CLSTN1: variants seen among roughly 807,000 people sequenced by gnomAD.
CLSTN1 encodes calsyntenin 1.
A neutral mutation model predicts 108.3 loss-of-function variants in CLSTN1; 28 were observed. The ratio of observed to expected loss-of-function variants is 0.26; its 90% confidence interval spans 0.19 to 0.35. The LOEUF (loss-of-function observed/expected upper bound fraction) is 0.35, where lower values mean the gene tolerates loss of function less well. Ranked by LOEUF, CLSTN1 falls within the 10% of genes least tolerant of loss-of-function variation. The probability of loss-of-function intolerance (pLI) is 1.00; values close to 1 mark genes in which losing one functional copy is unlikely to be tolerated. For synonymous variants in CLSTN1, 524 were observed against 534.9 expected (o/e 0.98, Z 0.28); for missense variants, 1,157 against 1,302.6 (o/e 0.89, Z 1.72).
Position 9,823,740 on chromosome 1 carries a change from C to T in CLSTN1, c.-7G>A. ...GAGCGGGGCGGCGCAGCATCGCCAG[C>T]CCGGGGCGGGAGCGGCAGGGAGGCG... On this transcript the variant is annotated 5_prime_UTR_variant, in exon 1 of 19. Transcript: ENST00000377298. This position sits in a 1 kb window ranked among gnomAD's most constrained non-coding sequence, Gnocchi z 6.3. 9.5e-7 allele frequency: 1 copy of T among 1,050,402 alleles called. No homozygotes were observed. Among genetic ancestry groups the T allele is most frequent in the Non-Finnish European group, 1.1e-6 (1 of 873,422 alleles). 65.1% of individuals were successfully genotyped at this position (1,050,402 alleles called of 1,614,324 possible).
At chr1:9,753,868 A>G (rs1344602274) in intron 4 of CLSTN1, among the ~76,000 whole-genome samples, 1 of 152,030 alleles carries the variant, frequency 6.6e-6, no homozygotes, top group Non-Finnish European at 1.5e-5. Context: ...ACTGGAGTAC[A>G]GTGGCACAAT....
At chr1:9,765,141 A>G (rs905483692) in intron 2 of CLSTN1, among the ~76,000 whole-genome samples, 1 of 152,172 alleles carries the variant, frequency 6.6e-6, no homozygotes, top group Non-Finnish European at 1.5e-5. Context: ...CTGTAATCCC[A>G]GCACTTTGGG....
intron 15 of CLSTN1, 54 bp downstream of exon 15, chr1:9,733,918 C>CAA (rs1381468961): frequency 6.5e-7 from 1 of 1,548,126 alleles, no homozygotes; most frequent in Non-Finnish European, 8.7e-7. Flanking sequence ...CAAGAGCTCT[C>CAA]AAAGTCCCCT....
chr1:9,735,318 C>T lies in CLSTN1; in HGVS notation c.1884-144G>A, dbSNP rs148846327. On this transcript the variant is annotated intron_variant, in intron 13 of 18. Coordinates refer to ENST00000377298, the MANE Select transcript of CLSTN1 (RefSeq NM_001009566.3). ...CAGGAACACACTTGCAAACAAGATG[C>T]GTAAATATCACTCAGCTCTCTGCCC... 211 of 1,372,060 alleles carry T rather than the reference C, an allele frequency of 1.5e-4. No individual in the cohort carries two copies. The East Asian group carries it at 4.2e-3, about 27-fold the overall frequency. 85.0% of individuals were successfully genotyped at this position (1,372,060 alleles called of 1,614,324 possible).
At chr1:9,805,573 A>C (rs1417547914) in intron 1 of CLSTN1, among the ~76,000 whole-genome samples, 1 of 152,172 alleles carries the variant, frequency 6.6e-6, no homozygotes, top group African/African-American at 2.4e-5. Flanking sequence ...TTCACTAAAA[A>C]TGTGTTATTT....
intron 1 of CLSTN1, among the ~76,000 whole-genome samples, chr1:9,821,239 TCTC>T (rs1655178963): frequency 6.6e-6 from 1 of 152,210 alleles, no homozygotes; most frequent in South Asian, 2.1e-4. Flanking sequence ...TTCAAGCAAT[TCTC>T]CTGCCTCAGC....
intron 9 of CLSTN1, 146 bp downstream of exon 9, chr1:9,743,737 TG>T (rs373564738): frequency 4.1e-5 from 34 of 837,564 alleles, no homozygotes; most frequent in Admixed American, 1.3e-4. Flanking sequence ...TTTTTTTTTT[TG>T]TAGGGACAGG....
intron 7 of CLSTN1, among the ~76,000 whole-genome samples, 163 bp downstream of exon 7, chr1:9,749,298 G>A (rs1283854507): frequency 6.6e-6 from 1 of 152,146 alleles, no homozygotes; most frequent in Non-Finnish European, 1.5e-5. Context: ...AGCCCATCCA[G>A]TATGAAAACT....
chr1:9,762,368 T>G lies in CLSTN1; in HGVS notation c.215-5858A>C, dbSNP rs1479347093. On this transcript the variant is annotated intron_variant, in intron 2 of 18. Transcript: ENST00000377298. ...TCCAGCTACTCAGGAGGCTGAGGCA[T>G]GAGAATCGCTTGAACCCGGGAGGCA... Among the ~76,000 whole-genome samples, 5 of 150,812 alleles carry G rather than the reference T, an allele frequency of 3.3e-5. No homozygotes were observed. The East Asian group carries it at 9.8e-4, about 30-fold the overall frequency.
chr1:9,786,366 G>A (rs1372795220), intron 1 of CLSTN1, among the ~76,000 whole-genome samples: 1 of 152,054 alleles, frequency 6.6e-6, no homozygotes, highest in East Asian at 1.9e-4. Flanking sequence ...GTGAGGCTGG[G>A]CGCGGTGGCT....
At chr1:9,783,198 C>T (rs933165875) in intron 1 of CLSTN1, among the ~76,000 whole-genome samples, 1 of 152,192 alleles carries the variant, frequency 6.6e-6, no homozygotes, top group Non-Finnish European at 1.5e-5. Context: ...CTTACAGTGG[C>T]TCAACTTAGG....
intron 1 of CLSTN1, among the ~76,000 whole-genome samples, chr1:9,798,149 A>C (rs1654096766): frequency 9.8e-6 from 1 of 101,676 alleles, no homozygotes; most frequent in Non-Finnish European, 1.9e-5. Flanking sequence ...GAAGAGGGGA[A>C]GAGGGAGGGG....
chr1:9,817,124 T>G (rs1474301224), intron 1 of CLSTN1, among the ~76,000 whole-genome samples: 1 of 152,152 alleles, frequency 6.6e-6, no homozygotes, highest in Non-Finnish European at 1.5e-5. Context: ...CTCGGCTCTT[T>G]GAGAGGATGA....
chr1:9,755,063 C>A, intron 4 of CLSTN1, 51 bp downstream of exon 4: 1 of 1,525,878 alleles, frequency 6.6e-7, no homozygotes, highest in South Asian at 1.2e-5. Context: ...TCGTTCTGCG[C>A]ACACACGTTT....
At position 9,734,980 on chromosome 1, in the gene CLSTN1, T is replaced by A; in HGVS notation, c.2078A>T (p.Glu693Val). 6.2e-7 allele frequency: 1 copy of A among 1,614,162 alleles called. No individual in the cohort carries two copies. Among genetic ancestry groups the A allele is most frequent in the Non-Finnish European group, 8.5e-7 (1 of 1,180,028 alleles). Residue 693 changes from glutamate to valine, a missense_variant, in exon 14 of 19, where the codon GAG (glutamate) becomes GTG (valine). Transcript: ENST00000377298. The surrounding 1 kb of genome is among the most constrained non-coding windows in gnomAD (Gnocchi z 4.8). ...RIISTITREV[E>V]PEGDGAEDPT... is the part of the protein sequence containing the mutation. The stretch of plus-strand genomic sequence containing the variant: ...GTCCTCAGCCCCGTCCCCTTCAGGC[T>A]CCACTTCTCTCGTGATGGTGCTGAT...
intron 1 of CLSTN1, among the ~76,000 whole-genome samples, chr1:9,815,445 T>C (rs1274051035): frequency 6.6e-6 from 1 of 152,152 alleles, no homozygotes; most frequent in Non-Finnish European, 1.5e-5. Context: ...TGAGAGACAA[T>C]GGCAAAGGAA....
chr1:9,802,823 A>ATTTT (rs34247091), intron 1 of CLSTN1, among the ~76,000 whole-genome samples: 1 of 130,520 alleles, frequency 7.7e-6, no homozygotes, highest in Admixed American at 8.4e-5. Flanking sequence ...ATTTTCTTAG[A>ATTTT]TTTTTTTTTT....
chr1:9,784,373 T>C (rs1653388351), intron 1 of CLSTN1, among the ~76,000 whole-genome samples: 1 of 151,168 alleles, frequency 6.6e-6, no homozygotes, highest in Non-Finnish European at 1.5e-5. Flanking sequence ...GCTGGCATGG[T>C]GGCACATGCC....
At position 9,730,909 on chromosome 1, in the gene CLSTN1, CATA is replaced by C. The variant is rs1209462942; in HGVS notation, c.2749-207_2749-205del. ...CAGTCAGCACCCACGGAGTCACCCACATACAAAGCAGCTTGGGACAGCACCTCA... is the reference window on the plus strand; with the variant it reads ...CAGTCAGCACCCACGGAGTCACCCACCAAAGCAGCTTGGGACAGCACCTCA... On this transcript the variant is annotated intron_variant, in intron 18 of 18. Transcript: ENST00000377298. The surrounding 1 kb of genome is among the most constrained non-coding windows in gnomAD (Gnocchi z 5.6). Among the ~76,000 whole-genome samples, 4 of 152,218 alleles carry C rather than the reference CATA, an allele frequency of 2.6e-5. No homozygotes were observed. Among genetic ancestry groups the C allele is most frequent in the African/African-American group, 9.6e-5 (4 of 41,460 alleles).
Sources: allele counts gnomAD v4.1 joint callset (sites outside exome capture counted in the v4.1 genomes callset), GRCh38; gene constraint gnomAD v4.1.1; non-coding constraint Gnocchi (gnomAD v3.1); transcripts MANE v1.5; gene names NCBI Gene and HGNC (gene_info 2026-07-23, HGNC 2026-07-21).